MCMBP: variants seen among roughly 807,000 people sequenced by gnomAD.
MCMBP encodes the protein minichromosome maintenance complex binding protein.
In MCMBP, 31 loss-of-function variants were observed where a neutral mutation model predicts 81.3. That is an observed-to-expected ratio of 0.38 (90% CI 0.29 to 0.51). The LOEUF (loss-of-function observed/expected upper bound fraction) is 0.51. Ranked by LOEUF, MCMBP falls within the 20% of genes least tolerant of loss-of-function variation. MCMBP has a pLI of 0.87. For missense variants in MCMBP, 645 were observed against 772.1 expected, an observed-to-expected ratio of 0.84 and a Z score of 1.95; for synonymous variants, 267 against 275.9, an observed-to-expected ratio of 0.97 and a Z score of 0.32.
intron 14 of MCMBP, among the ~76,000 whole-genome samples, chr10:119,835,243 A>T (rs1316237883): frequency 2.0e-5 from 3 of 152,124 alleles, no homozygotes; most frequent in African/African-American, 7.2e-5. Flanking sequence ...TTTTTAAATT[A>T]AAAATAACTA....
intron 1 of MCMBP, among the ~76,000 whole-genome samples, chr10:119,862,540 TTTATTCCTA>T (rs1319341249): frequency 1.3e-5 from 2 of 152,248 alleles, no homozygotes; most frequent in African/African-American, 4.8e-5. Flanking sequence ...TTCATTTCTT[TTTATTCCTA>T]TTATTCCTCT....
chr10:119,870,284 T>G (rs1270761038), intron 1 of MCMBP, among the ~76,000 whole-genome samples: 1 of 152,032 alleles, frequency 6.6e-6, no homozygotes, highest in African/African-American at 2.4e-5. Flanking sequence ...CCGTCTCTAC[T>G]AAAAATACAA....
chr10:119,859,210 C>T (rs1373789744), intron 2 of MCMBP, 29 bp from the exon 3 acceptor site: 1 of 1,604,070 alleles, frequency 6.2e-7, no homozygotes, highest in South Asian at 1.1e-5. Context: ...AGTCAGTCAA[C>T]TAAATATCCT....
intron 5 of MCMBP, among the ~76,000 whole-genome samples, chr10:119,856,400 TA>T (rs2134385018): frequency 6.6e-6 from 1 of 152,312 alleles, no homozygotes; most frequent in South Asian, 2.1e-4. Context: ...GAACTACTGA[TA>T]CACACATGAC....
intron 6 of MCMBP, among the ~76,000 whole-genome samples, chr10:119,850,907 C>T (rs1852801219): frequency 7.1e-6 from 1 of 140,638 alleles, no homozygotes; most frequent in East Asian, 2.1e-4. Flanking sequence ...CAGAGTCTCA[C>T]CCTGTCACCC....
rs1263545786 is a variant in MCMBP, at chr10:119,872,516, C to T, written c.58+11G>A. Reference sequence around the variant, plus strand: ...TGCCCGCCCGGCCCGCCCCCCGGCGCCGCCACTCACCGAAGAATCCCTGCA... The same window carrying T: ...TGCCCGCCCGGCCCGCCCCCCGGCGTCGCCACTCACCGAAGAATCCCTGCA... On this transcript the variant is annotated intron_variant, in intron 1 of 15. Transcript: ENST00000369077. The T allele has an allele frequency of 1.2e-5, 14 of 1,190,644 alleles. No homozygotes were observed. Among genetic ancestry groups the T allele is most frequent in the Non-Finnish European group, 1.4e-5 (13 of 955,416 alleles). The allele number at this position is 1,190,644 out of a possible 1,614,324, so 73.8% of individuals were successfully genotyped here.
intron 1 of MCMBP, among the ~76,000 whole-genome samples, chr10:119,863,728 CAAAAAAAAAAAAAAAAAAAA>C (rs57266961): frequency 5.0e-4 from 10 of 20,190 alleles, no homozygotes; most frequent in Admixed American, 3.9e-3. Flanking sequence ...GGCTCAGACT[CAAAAAAAAAAAAAAAAAAAA>C]AAAAAAAAAA....
At chr10:119,851,166 C>G (rs2134372924) in intron 6 of MCMBP, among the ~76,000 whole-genome samples, 1 of 152,206 alleles carries the variant, frequency 6.6e-6, no homozygotes, top group East Asian at 1.9e-4. Context: ...CCGCAACCAG[C>G]CTCTCTGTAT....
intron 1 of MCMBP, among the ~76,000 whole-genome samples, chr10:119,865,725 T>C (rs1464235288): frequency 6.6e-6 from 1 of 152,010 alleles, no homozygotes; most frequent in African/African-American, 2.4e-5. Flanking sequence ...CATCAGCAAA[T>C]ATATGGATAA....
intron 1 of MCMBP, 48 bp downstream of exon 1, chr10:119,872,466 TGCCCCGGGGCCCG>T (rs1853722266): frequency 3.8e-6 from 4 of 1,045,378 alleles, no homozygotes; most frequent in Non-Finnish European, 4.8e-6. Context: ...GGCGGGGCCC[TGCCCCGGGGCCCG>T]GCAAACTCGG....
intron 1 of MCMBP, among the ~76,000 whole-genome samples, chr10:119,865,614 A>G (rs534256801): frequency 1.3e-5 from 2 of 152,324 alleles, no homozygotes; most frequent in South Asian, 2.1e-4. Flanking sequence ...ATCCCTAGGT[A>G]TATCTGGGAA....
Position 119,857,328 on chromosome 10 carries a change from TA to T in MCMBP, c.429+9del. On this transcript the variant is annotated intron_variant, in intron 5 of 15. Coordinates refer to ENST00000369077, the MANE Select transcript of MCMBP (RefSeq NM_001256378.2). Reference sequence around the variant, plus strand: ...CATCAACACAGTAAGAAAGTTCAGATAAAGGATATTTCTTTTACCCACGTAG... The same window carrying T: ...CATCAACACAGTAAGAAAGTTCAGATAAGGATATTTCTTTTACCCACGTAG... 6.3e-7 allele frequency: 1 copy of T among 1,581,324 alleles called. No homozygotes were observed. Among genetic ancestry groups the T allele is most frequent in the Non-Finnish European group, 8.7e-7 (1 of 1,155,012 alleles).
intron 9 of MCMBP, 163 bp from the exon 10 acceptor site, chr10:119,842,758 T>G: frequency 1.3e-6 from 1 of 742,184 alleles, no homozygotes; most frequent in Non-Finnish European, 2.0e-6. Flanking sequence ...TAAGGCAGTT[T>G]GCATCCTCCT....
intron 1 of MCMBP, among the ~76,000 whole-genome samples, chr10:119,866,301 A>C (rs764672933): frequency 6.6e-6 from 1 of 152,056 alleles, no homozygotes; most frequent in Admixed American, 6.6e-5. Flanking sequence ...GAGACTACTA[A>C]AGGTATGGGG....
chr10:119,847,795 A>G, intron 7 of MCMBP, 82 bp from the exon 8 acceptor site: 1 of 712,640 alleles, frequency 1.4e-6, no homozygotes, highest in Non-Finnish European at 2.3e-6. Flanking sequence ...AATATCTTGG[A>G]ATTTTAGATC....
intron 13 of MCMBP, among the ~76,000 whole-genome samples, chr10:119,836,193 A>G: frequency 6.6e-6 from 1 of 152,334 alleles, no homozygotes; most frequent in East Asian, 1.9e-4. Flanking sequence ...TAATTATGAA[A>G]GCTTTTTCTT....
Position 119,853,120 on chromosome 10 carries a change from A to G in MCMBP, c.504T>C (p.Tyr168=), listed in dbSNP as rs761646258. 7 of 1,614,092 alleles carry G rather than the reference A, an allele frequency of 4.3e-6. No homozygotes were observed. The highest frequency in any genetic ancestry group is 3.4e-6 in the Non-Finnish European group (4 of 1,180,036). ...GTAGGTCCATATCGTCATCATCTTC[A>G]TAACTCCTCTTGTGGCGACTAGGAG... ...SYTPSRHKRS[Y]EDDDDMDLQP... Residue 168 remains tyrosine, a synonymous_variant, in exon 6 of 16, where the codon TAT becomes TAC. Transcript: ENST00000369077.
intron 6 of MCMBP, among the ~76,000 whole-genome samples, chr10:119,852,760 T>TG (rs1228410302): frequency 1.3e-5 from 2 of 152,206 alleles, no homozygotes; most frequent in African/African-American, 4.8e-5. Flanking sequence ...TAGGGTAAAG[T>TG]ACCAGGCTTC....
chr10:119,844,904 C>T lies in MCMBP; in HGVS notation c.828-1478G>A, dbSNP rs545243845. Among the ~76,000 whole-genome samples the T allele has an allele frequency of 6.9e-4, 105 of 152,298 alleles. 2 individuals carry two copies. Among genetic ancestry groups the T allele is most frequent in the East Asian group, 3.9e-4 (2 of 5,180 alleles). On this transcript the variant is annotated intron_variant, in intron 8 of 15. Coordinates refer to ENST00000369077, the MANE Select transcript of MCMBP (RefSeq NM_001256378.2). ...CCAGGAGCTCTTAGGCCTTCAGCCA[C>T]GGACTGAAGCCTACACTGGTGGCTT... is the stretch of plus-strand genomic sequence containing the variant.
Sources: allele counts gnomAD v4.1 joint callset (sites outside exome capture counted in the v4.1 genomes callset), GRCh38; gene constraint gnomAD v4.1.1; transcripts MANE v1.5; gene names NCBI Gene and HGNC (gene_info 2026-07-23, HGNC 2026-07-21).